Variants in ERBB4 observed in about 807,000 individuals in gnomAD.
The protein encoded by ERBB4 is receptor tyrosine-protein kinase erbB-4.
In ERBB4, 42 loss-of-function variants were observed where a neutral mutation model predicts 158.0. The observed-to-expected ratio is 0.27, with a 90% CI of 0.21 to 0.34. The LOEUF is 0.34. ERBB4 is among the 10% of genes least tolerant of loss of function. ERBB4 has a pLI of 1.00. For missense variants in ERBB4, 1,333 were observed against 1,624.1 expected, an observed-to-expected ratio of 0.82 and a Z score of 3.08; for synonymous variants, 583 against 558.7, an observed-to-expected ratio of 1.04 and a Z score of -0.61.
intron 20 of ERBB4, among the ~76,000 whole-genome samples, chr2:211,434,576 AGACT>A (rs921949915): frequency 1.3e-5 from 2 of 152,222 alleles, no homozygotes; most frequent in African/African-American, 2.4e-5. Flanking sequence ...CAGTCTGCAC[AGACT>A]GACACTCTAA....
chr2:212,024,328 TA>T (rs76226382), intron 2 of ERBB4, among the ~76,000 whole-genome samples: 9,220 of 150,842 alleles, frequency 0.061, 292 homozygotes, highest in South Asian at 0.11. Flanking sequence ...GCAAAGCACA[TA>T]AAAAAAAACA....
chr2:212,450,803 C>A, intron 1 of ERBB4, among the ~76,000 whole-genome samples: 3 of 136,858 alleles, frequency 2.2e-5, no homozygotes, highest in East Asian at 2.1e-4. Context: ...AGATTTAATG[C>A]AGGAAGATTT....
chr2:212,147,998 C>A (rs572968291), intron 1 of ERBB4, among the ~76,000 whole-genome samples: 9 of 152,214 alleles, frequency 5.9e-5, no homozygotes, highest in African/African-American at 1.9e-4. Flanking sequence ...TGGATGCACA[C>A]TTTTTATTGA....
chr2:212,031,692 A>G (rs1355990468), intron 2 of ERBB4, among the ~76,000 whole-genome samples: 2 of 152,150 alleles, frequency 1.3e-5, no homozygotes, highest in Non-Finnish European at 2.9e-5. Context: ...TTCACTTTCA[A>G]AAGTGTCCCA....
chr2:212,333,693 C>CAAAAAAAAAA (rs11312810), intron 1 of ERBB4, among the ~76,000 whole-genome samples: 5,122 of 147,202 alleles, frequency 0.035, 278 homozygotes, highest in African/African-American at 0.12. Flanking sequence ...GATTCTGTAC[C>CAAAAAAAAAA]AAAAAAAAAA....
intron 1 of ERBB4, among the ~76,000 whole-genome samples, chr2:212,449,501 G>A (rs1354617): frequency 0.41 from 62,857 of 151,878 alleles, 13,652 homozygotes; most frequent in African/African-American, 0.49. Flanking sequence ...ATTTAATTAC[G>A]TATAGCTTTC....
chr2:211,921,084 CTT>C (rs1370708559), intron 3 of ERBB4, among the ~76,000 whole-genome samples: 1 of 151,844 alleles, frequency 6.6e-6, no homozygotes, highest in East Asian at 1.9e-4. Context: ...TGATGCCAAA[CTT>C]TAAAAAAAAA....
intron 1 of ERBB4, among the ~76,000 whole-genome samples, chr2:212,317,409 T>G (rs2106254517): frequency 6.6e-6 from 1 of 151,672 alleles, no homozygotes; most frequent in Non-Finnish European, 1.5e-5. Flanking sequence ...AGGAATCACT[T>G]GAACAGCTGG....
rs528252717 is a variant in ERBB4, at chr2:212,045,396, T to G, written c.234+79356A>C. 5.3e-5 allele frequency among the ~76,000 whole-genome samples: 8 copies of G among 152,346 alleles called. No individual in the cohort carries two copies. In the South Asian group the frequency reaches 1.7e-3, roughly 32 times the overall value. On this transcript the variant is annotated intron_variant, in intron 2 of 27. Transcript: ENST00000342788. Reference sequence around the variant, plus strand: ...TCACTTGAACCTGGGAGACAGAGGTTGCAGTGAGCCAAGATTGTGCCACTG... The same window carrying G: ...TCACTTGAACCTGGGAGACAGAGGTGGCAGTGAGCCAAGATTGTGCCACTG...
At chr2:211,387,185 GT>G in intron 26 of ERBB4, 35 bp from the exon 27 acceptor site, 1 of 1,497,402 alleles carries the variant, frequency 6.7e-7, no homozygotes. Flanking sequence ...GAGAGAAGGC[GT>G]TGTTAGAAAT....
intron 12 of ERBB4, among the ~76,000 whole-genome samples, chr2:211,687,435 A>C (rs1042638426): frequency 6.6e-6 from 1 of 151,904 alleles, no homozygotes; most frequent in African/African-American, 2.4e-5. Context: ...CATGGAAGGG[A>C]GATTGGCCTG....
At chr2:212,059,947 C>A (rs926295941) in intron 2 of ERBB4, among the ~76,000 whole-genome samples, 1 of 152,124 alleles carries the variant, frequency 6.6e-6, no homozygotes, top group African/African-American at 2.4e-5. Flanking sequence ...CAAATGGGAT[C>A]TAATTAAACT....
At chr2:211,987,341 A>AAAAAGAAAG (rs1215048952) in intron 2 of ERBB4, among the ~76,000 whole-genome samples, 8 of 124,416 alleles carry the variant, frequency 6.4e-5, no homozygotes, top group East Asian at 4.7e-4. Context: ...AAAAAAAAAA[A>AAAAAGAAAG]AAAGAAAGAA....
intron 1 of ERBB4, among the ~76,000 whole-genome samples, chr2:212,168,464 G>A (rs1242017799): frequency 2.0e-5 from 3 of 152,120 alleles, no homozygotes; most frequent in Non-Finnish European, 4.4e-5. Flanking sequence ...TCAAGAGACA[G>A]TTTCTAATGG....
intron 25 of ERBB4, among the ~76,000 whole-genome samples, chr2:211,393,165 A>C (rs2062838701): frequency 6.6e-6 from 1 of 152,160 alleles, no homozygotes; most frequent in African/African-American, 2.4e-5. Context: ...CAGTCCTCAA[A>C]GTCTACTTTT....
intron 3 of ERBB4, among the ~76,000 whole-genome samples, chr2:211,792,704 G>A (rs1332969561): frequency 6.6e-6 from 1 of 151,674 alleles, no homozygotes; most frequent in African/African-American, 2.4e-5. Context: ...TTTCAGAAAG[G>A]TATAAACTGC....
chr2:211,585,137 A>G lies in ERBB4; in HGVS notation c.2302-23049T>C, dbSNP rs566556674. ...GGAGGCCGAGGCGGGCGGATCACGAAGTCAGGAGATCGAGACCATCCTGGC... is the reference window on the plus strand; with the variant it reads ...GGAGGCCGAGGCGGGCGGATCACGAGGTCAGGAGATCGAGACCATCCTGGC... On this transcript the variant is annotated intron_variant, in intron 19 of 27. Coordinates refer to ENST00000342788, the MANE Select transcript of ERBB4 (RefSeq NM_005235.3). Among the ~76,000 whole-genome samples the G allele has an allele frequency of 4.6e-3, 695 of 152,044 alleles. 3 individuals carry two copies. Among genetic ancestry groups the G allele is most frequent in the Non-Finnish European group, 8.0e-3 (541 of 67,922 alleles).
At chr2:212,361,642 T>G (rs16848454) in intron 1 of ERBB4, among the ~76,000 whole-genome samples, 1 of 151,612 alleles carries the variant, frequency 6.6e-6, no homozygotes, top group Non-Finnish European at 1.5e-5. Flanking sequence ...CTTAACAAAG[T>G]AGAACAATAG....
chr2:211,462,433 A>G (rs1351052807), intron 20 of ERBB4, among the ~76,000 whole-genome samples: 1 of 152,188 alleles, frequency 6.6e-6, no homozygotes, highest in East Asian at 1.9e-4. Flanking sequence ...ATACAAGTGA[A>G]AGTATAAATA....
Sources: allele counts gnomAD v4.1 joint callset (sites outside exome capture counted in the v4.1 genomes callset), GRCh38; gene constraint gnomAD v4.1.1; transcripts MANE v1.5; gene names NCBI Gene and HGNC (gene_info 2026-07-23, HGNC 2026-07-21).